ITGA7: variants seen among roughly 807,000 people sequenced by gnomAD.
The protein encoded by ITGA7 is integrin subunit alpha 7.
A neutral mutation model predicts 131.6 loss-of-function variants in ITGA7; 84 were observed. The ratio of observed to expected loss-of-function variants is 0.64; its 90% confidence interval spans 0.54 to 0.77. The LOEUF is 0.77. Among genes scored for constraint, ITGA7 ranks in the 30% least tolerant of loss-of-function variants. The pLI is 0.00. For synonymous variants in ITGA7, 548 were observed against 600.7 expected (o/e 0.91, Z 1.28); for missense variants, 1,399 against 1,482.9 (o/e 0.94, Z 0.93).
At chr12:55,686,358 G>C (rs1295350563) in intron 24 of ITGA7, 5 of 1,172,046 alleles carry the variant, frequency 4.3e-6, no homozygotes, top group Non-Finnish European at 5.7e-6. Flanking sequence ...GCAGAGGATG[G>C]AAAGATTGAG....
chr12:55,701,540 C>T, intron 3 of ITGA7: 1 of 888,754 alleles, frequency 1.1e-6, no homozygotes, highest in Non-Finnish European at 1.8e-6. Context: ...GTCACCATCT[C>T]ATCTGCAAAG....
At chr12:55,693,399 T>A in intron 19 of ITGA7, 82 bp from the exon 20 acceptor site, 1 of 1,259,072 alleles carries the variant, frequency 7.9e-7, no homozygotes, top group Non-Finnish European at 1.1e-6. Flanking sequence ...AGACAGGATC[T>A]ATGTTGCCCA....
intron 24 of ITGA7, among the ~76,000 whole-genome samples, chr12:55,686,992 T>C (rs925214417): frequency 6.6e-6 from 1 of 151,986 alleles, no homozygotes; most frequent in Non-Finnish European, 1.5e-5. Flanking sequence ...CTCACCCTAC[T>C]ACCCCACCTT....
upstream of ITGA7, chr12:55,716,252 C>T (rs1361840680): frequency 5.1e-6 from 8 of 1,557,924 alleles, no homozygotes; most frequent in Middle Eastern, 1.7e-4. Context: ...AGCTTCAGCC[C>T]GGAGCCTGGA....
In ITGA7 at chr12:55,692,908, C is replaced by T. The variant is rs200712509; in HGVS notation, c.2780G>A (p.Arg927Gln). 16 of 1,614,156 alleles carry T rather than the reference C, an allele frequency of 9.9e-6. No homozygotes were observed. The highest frequency in any genetic ancestry group is 5.3e-5 in the African/African-American group (4 of 75,040). ...EPPEQQEPGE[R>Q]QEPSMSWWPV... Reference sequence around the variant, plus strand: ...CCACCAGGACATGCTGGGCTCCTGCCGCTCACCAGGCTCCTGCTGCTCAGG... The same window carrying T: ...CCACCAGGACATGCTGGGCTCCTGCTGCTCACCAGGCTCCTGCTGCTCAGG... The change falls in exon 21 of 25, where the codon CGG (arginine) becomes CAG (glutamine). Residue 927 changes from arginine to glutamine, a missense_variant. Physicochemically the swap from Arg to Gln is conservative, Grantham distance 43. Coordinates refer to ENST00000257879, the MANE Select transcript of ITGA7 (RefSeq NM_002206.3).
chr12:55,685,212 T>G lies in ITGA7; in HGVS notation c.3260A>C (p.Asp1087Ala). ...QYHAVKIPRE[D>A]RQQFKEEKTG... Reference sequence around the variant, plus strand: ...CTTCTCCTCCTTGAACTGCTGTCGGTCTTCCCGAGGAATCTTCACCGCATG... The same window carrying G: ...CTTCTCCTCCTTGAACTGCTGTCGGGCTTCCCGAGGAATCTTCACCGCATG... The change falls in exon 25 of 25, where the codon GAC (aspartate) becomes GCC (alanine). Residue 1087 changes from aspartate (D) to alanine (A), a missense_variant. Coordinates refer to ENST00000257879, the MANE Select transcript of ITGA7 (RefSeq NM_002206.3). The G allele has an allele frequency of 2.5e-6, 4 of 1,614,198 alleles. No homozygotes were observed. The highest frequency in any genetic ancestry group is 3.4e-6 in the Non-Finnish European group (4 of 1,180,020).
chr12:55,702,552 T>C (rs1488865269), intron 3 of ITGA7, among the ~76,000 whole-genome samples: 1 of 152,108 alleles, frequency 6.6e-6, no homozygotes, highest in African/African-American at 2.4e-5. Flanking sequence ...TGACCTCAGG[T>C]GATCCACCTG....
In ITGA7 at chr12:55,688,189, C is replaced by T. The variant is rs1430867762; in HGVS notation, c.3057+13G>A. On this transcript the variant is annotated intron_variant, in intron 23 of 24. Transcript: ENST00000257879. ...AGAGTCCTCCCCACCTATCCCCCAA[C>T]CCTGCAGCTCACCACTGTGGAGGCA... is the stretch of plus-strand genomic sequence containing the variant. The T allele has an allele frequency of 6.2e-7, 1 of 1,613,886 alleles. No homozygotes were observed. The highest frequency in any genetic ancestry group is 1.7e-5 in the Admixed American group (1 of 60,024).
upstream of ITGA7, chr12:55,715,859 G>A: frequency 5.9e-6 from 4 of 674,430 alleles, no homozygotes; most frequent in Non-Finnish European, 9.2e-6. Flanking sequence ...AGATCCACAG[G>A]AAATGTTAAA....
At chr12:55,698,105 A>G (rs1261809404) in intron 7 of ITGA7, 79 bp from the exon 8 acceptor site, 2 of 1,298,768 alleles carry the variant, frequency 1.5e-6, no homozygotes, top group Non-Finnish European at 2.2e-6. Context: ...CCCCCCAGTC[A>G]CTCAGGTATG....
rs777500872 is a variant in ITGA7 at position 55,694,584 on chromosome 12, C to A, written c.2277+31G>T. On this transcript the variant is annotated intron_variant, in intron 16 of 24. Transcript: ENST00000257879. The surrounding 1 kb of genome is among the most constrained non-coding windows in gnomAD (Gnocchi z 5.3). ...GGTCTACGGGCTTATGGAGAGGCTA[C>A]TCACGTAGGGATAAGGGCAGATGTG... The A allele has an allele frequency of 6.2e-7, 1 of 1,613,370 alleles. No homozygotes were observed.
chr12:55,685,142 C>T lies in ITGA7; in HGVS notation c.3330G>A (p.Glu1110=), dbSNP rs370402936. The T allele has an allele frequency of 1.2e-6, 2 of 1,613,598 alleles. No individual in the cohort carries two copies. Among genetic ancestry groups the T allele is most frequent in the African/African-American group, 2.7e-5 (2 of 74,946 alleles). The part of the protein sequence containing the change: ...LRNNWGSPRR[E]GPDAHPILAA... ...CCAGGATGGGGTGTGCATCCGGGCC[C>T]TCCCGCCGGGGGCTGCCCCAGTTGT... Residue 1110 remains glutamate (E), a synonymous_variant, in exon 25 of 25, where the codon GAG becomes GAA. Coordinates refer to ENST00000257879, the MANE Select transcript of ITGA7 (RefSeq NM_002206.3).
intron 14 of ITGA7, chr12:55,695,308 T>C (rs913308291): frequency 3.3e-6 from 2 of 602,732 alleles, no homozygotes; most frequent in Non-Finnish European, 5.9e-6. Context: ...ATTATTAGTG[T>C]ACTGTGAAGG....
At chr12:55,685,427 G>A (rs1869884054) in intron 24 of ITGA7, 139 bp from the exon 25 acceptor site, 1 of 797,026 alleles carries the variant, frequency 1.3e-6, no homozygotes, top group Admixed American at 2.0e-5. Context: ...ATCTGGTGTG[G>A]TGGGCAGCAC....
rs919414642 is a variant in ITGA7, at chr12:55,697,198, A to T, written c.1567+18T>A. 11 of 1,591,062 alleles carry T rather than the reference A, an allele frequency of 6.9e-6. No individual in the cohort carries two copies. The highest frequency in any genetic ancestry group is 6.7e-5 in the African/African-American group (5 of 74,662). On this transcript the variant is annotated intron_variant, in intron 11 of 24. Transcript: ENST00000257879. The stretch of plus-strand genomic sequence containing the variant: ...GGAAACCCAAAAGGGCGAGCCACAG[A>T]GGGGGGACCGCACTCACCCACAGTA...
rs1344457907 is a variant in ITGA7, at chr12:55,707,495, T to A, written c.188A>T (p.Gln63Leu). ...GACTCACCAGCTCTGGGGTCGGGGC[T>A]GCAACTGCCGGTGCAGGGCCACAGA... ...GFSVALHRQL[Q>L]PRPQSWLLVG... Residue 63 changes from glutamine to leucine, a missense_variant, in exon 1 of 25, where the codon CAG (glutamine) becomes CTG (leucine). Transcript: ENST00000257879. 6.2e-7 allele frequency: 1 copy of A among 1,613,562 alleles called. No homozygotes were observed. Among genetic ancestry groups the A allele is most frequent in the Non-Finnish European group, 8.5e-7 (1 of 1,179,842 alleles).
chr12:55,699,996 G>T lies in ITGA7; in HGVS notation c.671-7C>A, dbSNP rs1416156191. ...TTGGTCACAAAAAGCAACCCTGTGG[G>T]GGGTGGGGTGAGACACCAGGGAGGG... On this transcript the variant is annotated splice_region_variant and splice_polypyrimidine_tract_variant and intron_variant, in intron 4 of 24. Coordinates refer to ENST00000257879, the MANE Select transcript of ITGA7 (RefSeq NM_002206.3). 6.2e-7 allele frequency: 1 copy of T among 1,613,934 alleles called. No individual in the cohort carries two copies. The highest frequency in any genetic ancestry group is 1.3e-5 in the African/African-American group (1 of 74,902).
upstream of ITGA7, among the ~76,000 whole-genome samples, chr12:55,712,771 G>A (rs1876228468): frequency 6.6e-6 from 1 of 152,136 alleles, no homozygotes; most frequent in African/African-American, 2.4e-5. Flanking sequence ...AAGAACAGAT[G>A]GAGGATAACC....
rs149176929 is a variant in ITGA7 at position 55,685,801 on chromosome 12, A to C, written c.3184-513T>G. On this transcript the variant is annotated intron_variant, in intron 24 of 24. Transcript: ENST00000257879. Reference sequence around the variant, plus strand: ...AATACAGTAGTCTAGCCCCACCCTAAATGAGGACCATGCTGGCCCTTACAC... The same window carrying C: ...AATACAGTAGTCTAGCCCCACCCTACATGAGGACCATGCTGGCCCTTACAC... Among the ~76,000 whole-genome samples the C allele has an allele frequency of 4.6e-3, 699 of 152,294 alleles. 4 individuals carry two copies. Among genetic ancestry groups the C allele is most frequent in the South Asian group, 0.01 (50 of 4,830 alleles).
Sources: allele counts gnomAD v4.1 joint callset (sites outside exome capture counted in the v4.1 genomes callset), GRCh38; gene constraint gnomAD v4.1.1; non-coding constraint Gnocchi (gnomAD v3.1); transcripts MANE v1.5; gene names NCBI Gene and HGNC (gene_info 2026-07-23, HGNC 2026-07-21).